The following MGAT5B variants were observed in gnomAD, a reference collection of about 807,000 sequenced individuals.
MGAT5B encodes N-acetylglucosaminyl-transferase Vb.
In MGAT5B, 54 loss-of-function variants were observed where a neutral mutation model predicts 95.1. That is an observed-to-expected ratio of 0.57 (90% CI 0.46 to 0.71). The LOEUF is 0.71. Among genes scored for constraint, MGAT5B ranks in the 30% least tolerant of loss-of-function variants. The pLI, the probability that MGAT5B is intolerant of heterozygous loss-of-function variation, is 0.00. For synonymous variants in MGAT5B, 464 were observed against 451.0 expected, an observed-to-expected ratio of 1.03 and a Z score of -0.36; for missense variants, 935 against 1,088.6, an observed-to-expected ratio of 0.86 and a Z score of 1.99.
At chr17:76,879,703 G>A (rs1028462694) in intron 2 of MGAT5B, among the ~76,000 whole-genome samples, 7 of 152,208 alleles carry the variant, frequency 4.6e-5, no homozygotes, top group Admixed American at 2.6e-4. Context: ...TCTACTCTGT[G>A]CTACAAGCAC....
chr17:76,933,639 T>A (rs1969564800), intron 12 of MGAT5B, among the ~76,000 whole-genome samples: 1 of 152,146 alleles, frequency 6.6e-6, no homozygotes, highest in Non-Finnish European at 1.5e-5. Flanking sequence ...AAGCTACTGA[T>A]CAGGGGAAGC....
intron 15 of MGAT5B, 47 bp from the exon 16 acceptor site, chr17:76,946,329 C>T (rs370699992): frequency 1.6e-5 from 24 of 1,529,018 alleles, no homozygotes; most frequent in South Asian, 4.7e-5. Flanking sequence ...GGGCCCCCGA[C>T]GGCTGGGCCT....
In MGAT5B at chr17:76,868,960, C is replaced by T. The variant is rs1966892891; in HGVS notation, c.-70C>T. Reference sequence around the variant, plus strand: ...CCGCAGAGGGTTCGTGGCCCGGACGCGGCGAGAGCTGGGCCCAGGACGGTG... The same window carrying T: ...CCGCAGAGGGTTCGTGGCCCGGACGTGGCGAGAGCTGGGCCCAGGACGGTG... On this transcript the variant is annotated 5_prime_UTR_variant, in exon 1 of 18. Transcript: ENST00000569840. This position sits in a 1 kb window ranked among gnomAD's most constrained non-coding sequence, Gnocchi z 6.3. 3 of 1,493,800 alleles carry T rather than the reference C, an allele frequency of 2.0e-6. No homozygotes were observed. Among genetic ancestry groups the T allele is most frequent in the Non-Finnish European group, 1.9e-6 (2 of 1,076,104 alleles). 92.5% of individuals were successfully genotyped at this position (1,493,800 alleles called of 1,614,324 possible).
chr17:76,933,352 C>T, intron 12 of MGAT5B, 55 bp downstream of exon 12: 1 of 1,594,938 alleles, frequency 6.3e-7, no homozygotes, highest in Non-Finnish European at 8.5e-7. Flanking sequence ...TTCCCCTCTC[C>T]AGCAGCCACT....
chr17:76,877,329 TAA>T (rs34612127), intron 2 of MGAT5B, among the ~76,000 whole-genome samples: 67 of 111,196 alleles, frequency 6.0e-4, no homozygotes, highest in African/African-American at 1.8e-3. Context: ...TGTCTCGGCT[TAA>T]AAAAAAAAAA....
chr17:76,878,088 C>A (rs185072326), intron 2 of MGAT5B, among the ~76,000 whole-genome samples: 3 of 152,222 alleles, frequency 2.0e-5, no homozygotes, highest in Non-Finnish European at 4.4e-5. Flanking sequence ...TCTGGGGAAG[C>A]GATGTCAGCT....
chr17:76,883,854 A>G (rs551360275), intron 3 of MGAT5B, among the ~76,000 whole-genome samples: 1 of 152,366 alleles, frequency 6.6e-6, no homozygotes, highest in South Asian at 2.1e-4. Flanking sequence ...ACAGGAGGTC[A>G]CTGTGCCCGT....
At chr17:76,895,939 G>T (rs1178109929) in intron 3 of MGAT5B, among the ~76,000 whole-genome samples, 3 of 152,240 alleles carry the variant, frequency 2.0e-5, no homozygotes, top group Non-Finnish European at 4.4e-5. Context: ...ATTTTCGAGG[G>T]CCCCTAAAAG....
rs576052124 is a variant in MGAT5B, at chr17:76,904,265, G to A, written c.533G>A (p.Arg178His). The change falls in exon 6 of 18, where the codon CGC becomes CAC. Residue 178 changes from arginine to histidine, a missense_variant. By Grantham distance (29) the Arg-to-His change is conservative. Transcript: ENST00000569840. ...CSGKVEWMRA[R>H]WTSDPCYAFF... ...CCCTCTCTGCAGTGGATGCGTGCCC[G>A]CTGGACCTCTGACCCCTGCTACGCC... The A allele has an allele frequency of 1.5e-5, 24 of 1,608,810 alleles. 1 individual carries two copies. Among genetic ancestry groups the A allele is most frequent in the East Asian group, 8.9e-5 (4 of 44,734 alleles).
chr17:76,932,033 G>C (rs1433971663), intron 10 of MGAT5B, among the ~76,000 whole-genome samples: 1 of 147,250 alleles, frequency 6.8e-6, no homozygotes. Context: ...TCCTCCTCCT[G>C]TTCCTCCTCC....
rs1456471098 is a variant in MGAT5B, at chr17:76,925,078, C to T, written c.1138C>T (p.Leu380Phe). 1.2e-6 allele frequency: 2 copies of T among 1,611,336 alleles called. No individual in the cohort carries two copies. The highest frequency in any genetic ancestry group is 1.7e-5 in the Admixed American group (1 of 59,914). ...GCAGCAGATGAAGCGGCACATGGGACTCTCCTTCAAGAAGTACCGGTGAGA... is the reference window on the plus strand; with the variant it reads ...GCAGCAGATGAAGCGGCACATGGGATTCTCCTTCAAGAAGTACCGGTGAGA... Reference protein sequence around the residue: ...GLQQMKRHMGLSFKKYRCRIR... With the variant: ...GLQQMKRHMGFSFKKYRCRIR... Residue 380 changes from leucine (L) to phenylalanine (F), a missense_variant, in exon 9 of 18, where the codon CTC becomes TTC. Coordinates refer to ENST00000569840, the MANE Select transcript of MGAT5B (RefSeq NM_001199172.2).
chr17:76,937,219 T>A (rs1969706080), intron 12 of MGAT5B, among the ~76,000 whole-genome samples: 1 of 152,208 alleles, frequency 6.6e-6, no homozygotes, highest in South Asian at 2.1e-4. Flanking sequence ...TGTTTCATCC[T>A]TTTCTCTAGG....
rs956202310 is a variant in MGAT5B, at chr17:76,870,750, G to A, written c.68+1653G>A. Among the ~76,000 whole-genome samples, 2 of 152,174 alleles carry A rather than the reference G, an allele frequency of 1.3e-5. No homozygotes were observed. The highest frequency in any genetic ancestry group is 2.1e-4 in the South Asian group (1 of 4,804). On this transcript the variant is annotated intron_variant, in intron 1 of 17. Coordinates refer to ENST00000569840, the MANE Select transcript of MGAT5B (RefSeq NM_001199172.2). This position sits in a 1 kb window ranked among gnomAD's most constrained non-coding sequence, Gnocchi z 5.0. ...CAGTGAGTCCCTTCAGTTGAGGTGG[G>A]GGGCAGGCTGCAATCATAGCACCCC...
intron 3 of MGAT5B, among the ~76,000 whole-genome samples, chr17:76,894,009 C>T (rs1213966915): frequency 7.2e-5 from 11 of 152,212 alleles, no homozygotes; most frequent in South Asian, 2.1e-4. Context: ...CCCAGCGTGT[C>T]TCAGGGCAGC....
At chr17:76,895,360 T>C (rs1441923882) in intron 3 of MGAT5B, among the ~76,000 whole-genome samples, 1 of 152,068 alleles carries the variant, frequency 6.6e-6, no homozygotes. Context: ...GTCAATGTAA[T>C]ATACTTGAAT....
rs140536644 is a variant in MGAT5B, at chr17:76,922,688, G to C, written c.1026-2278G>C. Among the ~76,000 whole-genome samples the C allele has an allele frequency of 6.6e-3, 1,010 of 152,344 alleles. 13 individuals are homozygous for C. The highest frequency in any genetic ancestry group is 0.023 in the African/African-American group (968 of 41,580). ...TTTCAGCCAAAAAGCTGAAGAGGCAGGCACTGCCTTAGAAGCCCTGGATCA... is the reference window on the plus strand; with the variant it reads ...TTTCAGCCAAAAAGCTGAAGAGGCACGCACTGCCTTAGAAGCCCTGGATCA... On this transcript the variant is annotated intron_variant, in intron 8 of 17. Transcript: ENST00000569840.
intron 2 of MGAT5B, among the ~76,000 whole-genome samples, chr17:76,879,481 G>A (rs1316526882): frequency 2.0e-5 from 3 of 152,188 alleles, no homozygotes; most frequent in African/African-American, 7.2e-5. Flanking sequence ...CAGTCCTTTG[G>A]GGAAGGGACT....
chr17:76,940,033 T>C lies in MGAT5B; in HGVS notation c.1585-369T>C, dbSNP rs1969812363. Among the ~76,000 whole-genome samples the C allele has an allele frequency of 6.6e-6, 1 of 152,178 alleles. No homozygotes were observed. The highest frequency in any genetic ancestry group is 1.5e-5 in the Non-Finnish European group (1 of 68,030). ...AGTGAGTGAGGTTCCTGGAGGTCTC[T>C]TGCAGGTGCGGGCCTGCAGCTTTCT... On this transcript the variant is annotated intron_variant, in intron 13 of 17. Coordinates refer to ENST00000569840, the MANE Select transcript of MGAT5B (RefSeq NM_001199172.2). This position sits in a 1 kb window ranked among gnomAD's most constrained non-coding sequence, Gnocchi z 4.3.
chr17:76,899,264 A>G (rs1968215749), intron 3 of MGAT5B, among the ~76,000 whole-genome samples: 1 of 152,156 alleles, frequency 6.6e-6, no homozygotes, highest in Admixed American at 6.5e-5. Context: ...GCCTCCTGTC[A>G]TGATGGGAGC....
Sources: allele counts gnomAD v4.1 joint callset (sites outside exome capture counted in the v4.1 genomes callset), GRCh38; gene constraint gnomAD v4.1.1; non-coding constraint Gnocchi (gnomAD v3.1); transcripts MANE v1.5; gene names NCBI Gene and HGNC (gene_info 2026-07-23, HGNC 2026-07-21).